Variants in SEC16B observed in about 807,000 individuals in gnomAD.
SEC16B encodes protein transport protein Sec16B.
SEC16B carries 115 observed loss-of-function variants against 141.8 expected under a neutral mutation model. The ratio of observed to expected loss-of-function variants is 0.81; its 90% CI spans 0.70 to 0.95. The LOEUF is 0.95. SEC16B is among the 40% of genes least tolerant of loss of function. SEC16B has a pLI of 0.00. For missense variants in SEC16B, 1,291 were observed against 1,312.3 expected (o/e 0.98, Z 0.25); for synonymous variants, 493 against 492.5 (o/e 1.00, Z -0.01).
intron 16 of SEC16B, 60 bp downstream of exon 16, chr1:177,941,840 G>T: frequency 6.4e-7 from 1 of 1,569,022 alleles, no homozygotes. Context: ...GCTGCTCTAC[G>T]ATGGCTTTCT....
chr1:177,949,382 A>AC (rs1491277704), intron 12 of SEC16B, among the ~76,000 whole-genome samples: 2 of 118,728 alleles, frequency 1.7e-5, no homozygotes, highest in African/African-American at 6.6e-5. Context: ...ATCCCTTGCT[A>AC]AACACACACA....
chr1:177,981,279 T>C (rs1654402488), intron 1 of SEC16B, among the ~76,000 whole-genome samples: 1 of 152,144 alleles, frequency 6.6e-6, no homozygotes, highest in Admixed American at 6.6e-5. Context: ...TGACCCCATC[T>C]CTTGCTCTAT....
At chr1:177,955,083 A>C (rs1652493394) in intron 10 of SEC16B, among the ~76,000 whole-genome samples, 1 of 152,134 alleles carries the variant, frequency 6.6e-6, no homozygotes, top group South Asian at 2.1e-4. Context: ...ATAAGTGAGG[A>C]TCAAAGCCTC....
intron 2 of SEC16B, among the ~76,000 whole-genome samples, chr1:177,967,411 T>C (rs1432443472): frequency 6.6e-6 from 1 of 152,102 alleles, no homozygotes; most frequent in Non-Finnish European, 1.5e-5. Flanking sequence ...TTTTCTACCC[T>C]TGACACTGCC....
At chr1:177,979,345 T>C (rs1654307605) in intron 1 of SEC16B, among the ~76,000 whole-genome samples, 1 of 152,178 alleles carries the variant, frequency 6.6e-6, no homozygotes, top group Non-Finnish European at 1.5e-5. Context: ...TGTATAAAGG[T>C]TCATACTATT....
intron 6 of SEC16B, 162 bp from the exon 7 acceptor site, chr1:177,961,101 C>G: frequency 2.9e-6 from 2 of 699,806 alleles, no homozygotes; most frequent in South Asian, 1.9e-5. Flanking sequence ...TTCCCTGCTC[C>G]AGTCAGATTT....
At chr1:177,977,826 C>A (rs1654236830) in intron 1 of SEC16B, among the ~76,000 whole-genome samples, 1 of 152,136 alleles carries the variant, frequency 6.6e-6, no homozygotes, top group Non-Finnish European at 1.5e-5. Flanking sequence ...ATTTGCTAGC[C>A]ATGTGCCTTT....
chr1:177,978,336 A>G (rs1439347215), intron 1 of SEC16B, among the ~76,000 whole-genome samples: 2 of 152,220 alleles, frequency 1.3e-5, no homozygotes, highest in African/African-American at 4.8e-5. Context: ...ATGATCTAGG[A>G]AAAGCACTCA....
chr1:177,969,140 G>A (rs1571354467), intron 1 of SEC16B, among the ~76,000 whole-genome samples: 1 of 152,142 alleles, frequency 6.6e-6, no homozygotes, highest in Non-Finnish European at 1.5e-5. Context: ...GCAAGATTCT[G>A]ATCAAATCAG....
In SEC16B at chr1:177,932,389, T is replaced by C. The variant is rs1354707896; in HGVS notation, c.3012+101A>G. ...AAACTAACACAGCAGAGAAGCATTC[T>C]TCAGGTTCGCCAGGAGTCAGCACTG... On this transcript the variant is annotated intron_variant, in intron 24 of 25. Transcript: ENST00000308284. 6.0e-6 allele frequency: 5 copies of C among 829,182 alleles called. No homozygotes were observed. The South Asian group carries it at 1.0e-4, about 17-fold the overall frequency. The allele number at this position is 829,182 out of a possible 1,614,324, so 51.4% of individuals were successfully genotyped here.
intron 12 of SEC16B, among the ~76,000 whole-genome samples, chr1:177,951,232 T>C (rs1224857129): frequency 6.6e-6 from 1 of 152,008 alleles, no homozygotes; most frequent in Non-Finnish European, 1.5e-5. Context: ...AACTCTAACA[T>C]ATGAATGTAC....
chr1:177,963,663 C>G (rs1299627897), intron 5 of SEC16B, among the ~76,000 whole-genome samples: 1 of 152,106 alleles, frequency 6.6e-6, no homozygotes, highest in Non-Finnish European at 1.5e-5. Context: ...TAAAATTATC[C>G]TAAAATAAAA....
chr1:177,957,020 CA>C (rs1652661814), intron 10 of SEC16B, among the ~76,000 whole-genome samples: 1 of 152,082 alleles, frequency 6.6e-6, no homozygotes, highest in African/African-American at 2.4e-5. Context: ...AGTCATGGAG[CA>C]TCTATATTCA....
upstream of SEC16B, among the ~76,000 whole-genome samples, chr1:177,973,655 A>G (rs567469609): frequency 1.4e-4 from 22 of 152,262 alleles, no homozygotes; most frequent in African/African-American, 4.8e-4. Flanking sequence ...TACACTGAAC[A>G]AGTGTTTATT....
chr1:177,978,933 T>C (rs1654290980), intron 1 of SEC16B, among the ~76,000 whole-genome samples: 1 of 152,174 alleles, frequency 6.6e-6, no homozygotes, highest in Admixed American at 6.5e-5. Context: ...CAGTCATAGC[T>C]TATCTTTCCC....
rs187822184 is a variant in SEC16B, at chr1:177,967,859, G to T, written c.123C>A (p.His41Gln). 425 of 1,613,958 alleles carry T rather than the reference G, an allele frequency of 2.6e-4. No individual in the cohort carries two copies. The highest frequency in any genetic ancestry group is 3.2e-4 in the Non-Finnish European group (372 of 1,179,884). ...GHHRPVPHSW[H>Q]NGERFHQWQD... is the part of the protein sequence containing the mutation. ...GCCATTGGTGAAACCTCTCTCCATTGTGCCAAGAGTGAGGGACAGGCCGAT... is the reference window on the plus strand; with the variant it reads ...GCCATTGGTGAAACCTCTCTCCATTTTGCCAAGAGTGAGGGACAGGCCGAT... Residue 41 changes from histidine (H) to glutamine (Q), a missense_variant, in exon 2 of 26, where the codon CAC becomes CAA. Physicochemically the swap from His to Gln is conservative, Grantham distance 24 (BLOSUM62 0). This residue lies in a region of SEC16B where 681 missense variants were observed against 675.5 expected (regional missense o/e 1.01). Transcript: ENST00000308284.
At chr1:177,959,104 G>T (rs1469258134) in intron 8 of SEC16B, 129 bp from the exon 9 acceptor site, 2 of 977,444 alleles carry the variant, frequency 2.0e-6, no homozygotes, top group Non-Finnish European at 1.6e-6. Context: ...ACAAGCCAGG[G>T]CTAAGGTAAT....
chr1:177,980,271 T>C (rs1654351592), intron 1 of SEC16B, among the ~76,000 whole-genome samples: 1 of 152,170 alleles, frequency 6.6e-6, no homozygotes, highest in South Asian at 2.1e-4. Context: ...GTGGTATAAT[T>C]TCACCCCTGG....
chr1:177,931,448 A>G (rs1405903469), intron 24 of SEC16B, among the ~76,000 whole-genome samples: 1 of 152,158 alleles, frequency 6.6e-6, no homozygotes, highest in Admixed American at 6.5e-5. Context: ...TCAGGGATAA[A>G]AAAAACTACA....
Sources: allele counts gnomAD v4.1 joint callset (sites outside exome capture counted in the v4.1 genomes callset), GRCh38; gene constraint gnomAD v4.1.1; regional missense constraint gnomAD v4.1.1; transcripts MANE v1.5; gene names NCBI Gene and HGNC (gene_info 2026-07-23, HGNC 2026-07-21).